PRKCZ: variants seen among roughly 807,000 people sequenced by gnomAD.
The protein encoded by PRKCZ is protein kinase C zeta, also known as protein kinase C zeta type.
PRKCZ carries 33 observed loss-of-function variants against 79.5 expected under a neutral mutation model. The observed-to-expected ratio is 0.41, with a 90% CI of 0.31 to 0.55. PRKCZ has a LOEUF of 0.55. Among genes scored for constraint, PRKCZ ranks in the 20% least tolerant of loss-of-function variants. The pLI is 0.19. For synonymous variants in PRKCZ, 342 were observed against 320.9 expected, an observed-to-expected ratio of 1.07 and a Z score of -0.70; for missense variants, 578 against 813.5, an observed-to-expected ratio of 0.71 and a Z score of 3.52.
Position 2,128,427 on chromosome 1 carries a change from T to C in PRKCZ, c.335-6835T>C, listed in dbSNP as rs1249326988. On this transcript the variant is annotated intron_variant, in intron 4 of 17. Transcript: ENST00000378567. The surrounding 1 kb of genome is among the most constrained non-coding windows in gnomAD (Gnocchi z 6.5). Reference sequence around the variant, plus strand: ...GCTGTCGCCTGTCCCAGCCTGCTGCTCCGAGTTTAGTGTTTTAAAACGTGT... The same window carrying C: ...GCTGTCGCCTGTCCCAGCCTGCTGCCCCGAGTTTAGTGTTTTAAAACGTGT... 6.6e-6 allele frequency among the ~76,000 whole-genome samples: 1 copy of C among 152,252 alleles called. No homozygotes were observed. Among genetic ancestry groups the C allele is most frequent in the African/African-American group, 2.4e-5 (1 of 41,474 alleles).
chr1:2,083,887 G>A (rs1013707888), intron 4 of PRKCZ, among the ~76,000 whole-genome samples: 14 of 152,282 alleles, frequency 9.2e-5, no homozygotes, highest in East Asian at 5.8e-4. Flanking sequence ...TTAAAAATCC[G>A]CTGGTCTCTT....
intron 4 of PRKCZ, among the ~76,000 whole-genome samples, chr1:2,084,419 C>G (rs1488490640): frequency 1.3e-5 from 2 of 152,238 alleles, no homozygotes; most frequent in Non-Finnish European, 2.9e-5. Context: ...GCTCCCCTGC[C>G]TGGTCTCTGG....
chr1:2,120,384 C>CCACCTCCCCG (rs2102825428), intron 4 of PRKCZ, among the ~76,000 whole-genome samples: 1 of 137,682 alleles, frequency 7.3e-6, no homozygotes, highest in African/African-American at 2.6e-5. Flanking sequence ...ACTGCAATCT[C>CCACCTCCCCG]CACCTCCCCG....
At chr1:2,054,761 G>T (rs893015776) in intron 1 of PRKCZ, among the ~76,000 whole-genome samples, 1 of 152,044 alleles carries the variant, frequency 6.6e-6, no homozygotes, top group Non-Finnish European at 1.5e-5. Flanking sequence ...GGCCTGCACC[G>T]ACCCGGCTCG....
At chr1:2,179,832 C>T (rs1421820651) in intron 16 of PRKCZ, among the ~76,000 whole-genome samples, 3 of 152,048 alleles carry the variant, frequency 2.0e-5, no homozygotes, top group Non-Finnish European at 2.9e-5. Context: ...GCGACAGGCA[C>T]GTTCCTGGGA....
At chr1:2,086,733 G>A (rs1449150540) in intron 4 of PRKCZ, among the ~76,000 whole-genome samples, 5 of 152,200 alleles carry the variant, frequency 3.3e-5, no homozygotes, top group Non-Finnish European at 5.9e-5. Context: ...CAGTTCCCGC[G>A]GCAGCTCCCA....
At chr1:2,166,154 C>T (rs1379623097) in intron 10 of PRKCZ, among the ~76,000 whole-genome samples, 1 of 152,214 alleles carries the variant, frequency 6.6e-6, no homozygotes, top group Non-Finnish European at 1.5e-5. Flanking sequence ...TGCAGTGGCT[C>T]ACACCTGTAA....
At chr1:2,093,681 G>T (rs1004737693) in intron 4 of PRKCZ, among the ~76,000 whole-genome samples, 3 of 152,080 alleles carry the variant, frequency 2.0e-5, no homozygotes, top group Non-Finnish European at 4.4e-5. Context: ...TGGGACTTCA[G>T]CCCCGCCTCT....
intron 4 of PRKCZ, among the ~76,000 whole-genome samples, chr1:2,069,542 C>T (rs1035327178): frequency 6.6e-6 from 1 of 152,204 alleles, no homozygotes; most frequent in Non-Finnish European, 1.5e-5. Flanking sequence ...ACCAGACCCC[C>T]ATTGGAGCGA....
intron 4 of PRKCZ, among the ~76,000 whole-genome samples, chr1:2,117,435 C>T (rs545326749): frequency 1.1e-4 from 17 of 151,908 alleles, no homozygotes; most frequent in Non-Finnish European, 2.2e-4. Flanking sequence ...TTTGTCTTGG[C>T]CTCTCCTGGT....
chr1:2,104,169 C>G (rs970647168), intron 4 of PRKCZ, among the ~76,000 whole-genome samples: 12 of 152,126 alleles, frequency 7.9e-5, no homozygotes, highest in African/African-American at 2.9e-4. Flanking sequence ...GCGGGGTGAG[C>G]AGGGGCTGAG....
Position 2,102,527 on chromosome 1 carries a change from T to C in PRKCZ, c.335-32735T>C, listed in dbSNP as rs563642430. ...TTTTGTATTTTTAGTAGAGATGGGG[T>C]TTCACTGTGTTAGCCGGGATGGTCT... On this transcript the variant is annotated intron_variant, in intron 4 of 17. Transcript: ENST00000378567. Among the ~76,000 whole-genome samples, 61 of 151,564 alleles carry C rather than the reference T, an allele frequency of 4.0e-4. 1 individual carries two copies. The highest frequency in any genetic ancestry group is 3.4e-3 in the Middle Eastern group (1 of 290).
In PRKCZ at chr1:2,127,558, C is replaced by T. The variant is rs1048393484; in HGVS notation, c.335-7704C>T. Among the ~76,000 whole-genome samples, 6 of 152,210 alleles carry T rather than the reference C, an allele frequency of 3.9e-5. No individual in the cohort carries two copies. The highest frequency in any genetic ancestry group is 8.8e-5 in the Non-Finnish European group (6 of 68,034). On this transcript the variant is annotated intron_variant, in intron 4 of 17. Transcript: ENST00000378567. The surrounding 1 kb of genome is among the most constrained non-coding windows in gnomAD (Gnocchi z 5.1). ...TGCCTGCATGGCTGGCACTATCCAG[C>T]GCAGAAGGAATGAAGGACTTCTGTT...
At chr1:2,134,406 C>T (rs1675732675) in intron 4 of PRKCZ, among the ~76,000 whole-genome samples, 1 of 152,150 alleles carries the variant, frequency 6.6e-6, no homozygotes, top group Admixed American at 6.5e-5. Context: ...TATAAAAGCA[C>T]AAAGCTTCCC....
chr1:2,156,718 A>C (rs923668041), intron 10 of PRKCZ: 1 of 152,452 alleles, frequency 6.6e-6, no homozygotes, highest in African/African-American at 2.4e-5. Flanking sequence ...GCACATGGGG[A>C]AAATTCCAGA....
chr1:2,159,843 C>G (rs1371654196), intron 10 of PRKCZ, among the ~76,000 whole-genome samples: 1 of 152,214 alleles, frequency 6.6e-6, no homozygotes, highest in African/African-American at 2.4e-5. Flanking sequence ...CATAAAGTCT[C>G]CAAAACGAGA....
At chr1:2,098,332 T>C (rs944351798) in intron 4 of PRKCZ, 1 of 152,244 alleles carries the variant, frequency 6.6e-6, no homozygotes, top group Non-Finnish European at 1.5e-5. Context: ...AAGAGGAATT[T>C]ATTATGTTCT....
chr1:2,158,337 T>C (rs942494697), intron 10 of PRKCZ, among the ~76,000 whole-genome samples: 1 of 152,220 alleles, frequency 6.6e-6, no homozygotes, highest in Admixed American at 6.5e-5. Context: ...CAGTTGCTTC[T>C]GGGGTAAATT....
chr1:2,059,705 G>T, intron 4 of PRKCZ, 114 bp downstream of exon 4: 1 of 1,388,504 alleles, frequency 7.2e-7, no homozygotes, highest in Non-Finnish European at 1.0e-6. Flanking sequence ...CTCGTGGAGC[G>T]TCAGGGCAGG....
Sources: allele counts gnomAD v4.1 joint callset (sites outside exome capture counted in the v4.1 genomes callset), GRCh38; gene constraint gnomAD v4.1.1; non-coding constraint Gnocchi (gnomAD v3.1); transcripts MANE v1.5; gene names NCBI Gene and HGNC (gene_info 2026-07-23, HGNC 2026-07-21).